Variants in ATP6V1D observed in about 807,000 individuals in gnomAD.
ATP6V1D encodes the protein V-type proton ATPase subunit D.
A neutral mutation model predicts 39.4 loss-of-function variants in ATP6V1D; 20 were observed. That is an observed-to-expected ratio of 0.51 (90% CI 0.36 to 0.74). The LOEUF is 0.74. Among genes scored for constraint, ATP6V1D ranks in the 30% least tolerant of loss-of-function variants. ATP6V1D has a pLI of 0.00. For synonymous variants in ATP6V1D, 100 were observed against 100.5 expected, an observed-to-expected ratio of 0.99 and a Z score of 0.03; for missense variants, 228 against 291.6, an observed-to-expected ratio of 0.78 and a Z score of 1.59.
chr14:67,343,291 C>A lies in ATP6V1D; in HGVS notation c.523+81G>T, dbSNP rs188128868. On this transcript the variant is annotated intron_variant, in intron 7 of 8. Coordinates refer to ENST00000216442, the MANE Select transcript of ATP6V1D (RefSeq NM_015994.4). ...CTTATTCATCTTTCAGTCTTCAGTA[C>A]AGTCCCTGAATTCTAGCAGTTTCAC... 50 of 1,078,470 alleles carry A rather than the reference C, an allele frequency of 4.6e-5. No homozygotes were observed. In the East Asian group the frequency reaches 1.2e-3, roughly 26 times the overall value. 66.8% of individuals were successfully genotyped at this position (1,078,470 alleles called of 1,614,324 possible). A position where few individuals can be genotyped will look rare whatever the true frequency, so the allele number is the denominator to read the frequency against.
chr14:67,358,420 C>T (rs1186264553), intron 1 of ATP6V1D, among the ~76,000 whole-genome samples: 1 of 152,148 alleles, frequency 6.6e-6, no homozygotes, highest in Non-Finnish European at 1.5e-5. Flanking sequence ...TTTTAAGCAT[C>T]CTCAGATTCT....
chr14:67,358,848 G>A (rs2085704987), intron 1 of ATP6V1D, among the ~76,000 whole-genome samples: 1 of 152,130 alleles, frequency 6.6e-6, no homozygotes, highest in Non-Finnish European at 1.5e-5. Context: ...AAGAATTCAG[G>A]CCCCAAAAGA....
intron 2 of ATP6V1D, among the ~76,000 whole-genome samples, chr14:67,352,492 A>G (rs1309398503): frequency 6.6e-6 from 1 of 152,164 alleles, no homozygotes; most frequent in Non-Finnish European, 1.5e-5. Flanking sequence ...ACATGCTACA[A>G]TAAAATTAAA....
rs569624772 is a variant in ATP6V1D, at chr14:67,341,402, C to T, written c.524-884G>A. On this transcript the variant is annotated intron_variant, in intron 7 of 8. Transcript: ENST00000216442. ...GTGAGGAGCCCCTCCGCCCGGCAGCCGCCCCGTCTGGGAAGTGAGGAGCGT... is the reference window on the plus strand; with the variant it reads ...GTGAGGAGCCCCTCCGCCCGGCAGCTGCCCCGTCTGGGAAGTGAGGAGCGT... Among the ~76,000 whole-genome samples the T allele has an allele frequency of 2.5e-3, 376 of 152,054 alleles. 1 individual carries two copies. Among genetic ancestry groups the T allele is most frequent in the Non-Finnish European group, 3.3e-3 (222 of 67,986 alleles).
intron 1 of ATP6V1D, among the ~76,000 whole-genome samples, chr14:67,355,102 G>A (rs1474933863): frequency 1.5e-4 from 23 of 152,040 alleles, no homozygotes; most frequent in African/African-American, 4.8e-5. Flanking sequence ...ATGAGCCACC[G>A]CACCTGGCCT....
intron 5 of ATP6V1D, 134 bp from the exon 6 acceptor site, chr14:67,346,005 T>C (rs2085617310): frequency 9.4e-6 from 6 of 639,514 alleles, no homozygotes; most frequent in Admixed American, 2.7e-5. Context: ...AATGTAAACA[T>C]GAAGTGCCTA....
intron 7 of ATP6V1D, among the ~76,000 whole-genome samples, chr14:67,341,885 C>T (rs1001655325): frequency 2.0e-5 from 3 of 151,940 alleles, no homozygotes; most frequent in African/African-American, 7.3e-5. Flanking sequence ...ATGACCTTAC[C>T]CCCAACCCTG....
intron 4 of ATP6V1D, among the ~76,000 whole-genome samples, chr14:67,347,706 G>C (rs1456604010): frequency 1.3e-5 from 2 of 151,902 alleles, no homozygotes; most frequent in African/African-American, 4.8e-5. Context: ...CTCCATGTTG[G>C]TAAGGTTGGT....
chr14:67,351,910 C>T (rs868771300), intron 2 of ATP6V1D, among the ~76,000 whole-genome samples: 1 of 111,998 alleles, frequency 8.9e-6, no homozygotes, highest in South Asian at 3.7e-4. Context: ...AGAACCTCTA[C>T]CAAAAAAAAA....
intron 1 of ATP6V1D, among the ~76,000 whole-genome samples, chr14:67,356,891 G>A (rs2085688760): frequency 6.6e-6 from 1 of 152,190 alleles, no homozygotes; most frequent in Admixed American, 6.5e-5. Flanking sequence ...TAGAACTTGG[G>A]CTCAAAGAGC....
Position 67,359,792 on chromosome 14 carries a change from G to A in ATP6V1D, c.-94C>T. 1 of 1,450,012 alleles carries A rather than the reference G, an allele frequency of 6.9e-7. No homozygotes were observed. The highest frequency in any genetic ancestry group is 2.3e-5 in the East Asian group (1 of 43,790). The allele number at this position is 1,450,012 out of a possible 1,614,324, so 89.8% of individuals were successfully genotyped here. On this transcript the variant is annotated 5_prime_UTR_variant, in exon 1 of 9. Coordinates refer to ENST00000216442, the MANE Select transcript of ATP6V1D (RefSeq NM_015994.4). ...CTCCACAGTGTCTTCCTCTACGGGA[G>A]TCAGCTGGTTGTGTCACTTGACCCC...
Position 67,347,659 on chromosome 14 carries a change from C to G in ATP6V1D, c.308-206G>C, listed in dbSNP as rs557551027. 3.3e-5 allele frequency among the ~76,000 whole-genome samples: 5 copies of G among 152,056 alleles called. No individual in the cohort carries two copies. The South Asian group carries it at 8.3e-4, about 25-fold the overall frequency. On this transcript the variant is annotated intron_variant, in intron 4 of 8. Coordinates refer to ENST00000216442, the MANE Select transcript of ATP6V1D (RefSeq NM_015994.4). ...GGGATTACAGGCATGCACCACCACA[C>G]CCGGCTAATTTTGTATTTTTAGTAG...
chr14:67,352,898 C>T (rs759232676), intron 2 of ATP6V1D, 25 bp downstream of exon 2: 5 of 1,496,554 alleles, frequency 3.3e-6, no homozygotes, highest in Non-Finnish European at 4.6e-6. Context: ...AAAATAAATA[C>T]TATTCTAAGA....
chr14:67,356,924 G>A (rs2085689169), intron 1 of ATP6V1D, among the ~76,000 whole-genome samples: 1 of 152,214 alleles, frequency 6.6e-6, no homozygotes, highest in South Asian at 2.1e-4. Context: ...AAGTCAAATT[G>A]TAGTACTGCA....
intron 8 of ATP6V1D, 154 bp downstream of exon 8, chr14:67,340,286 A>T: frequency 1.6e-6 from 1 of 640,744 alleles, no homozygotes; most frequent in South Asian, 2.6e-5. Flanking sequence ...TGTTTCCACA[A>T]CTTCTGGTAA....
rs1396104577 is a variant in ATP6V1D at position 67,359,789 on chromosome 14, G to A, written c.-91C>T. The A allele has an allele frequency of 1.4e-6, 2 of 1,454,088 alleles. No homozygotes were observed. The highest frequency in any genetic ancestry group is 9.6e-7 in the Non-Finnish European group (1 of 1,046,844). The allele number at this position is 1,454,088 out of a possible 1,614,324, so 90.1% of individuals were successfully genotyped here. ...GGCCTCCACAGTGTCTTCCTCTACG[G>A]GAGTCAGCTGGTTGTGTCACTTGAC... On this transcript the variant is annotated 5_prime_UTR_variant, in exon 1 of 9. Coordinates refer to ENST00000216442, the MANE Select transcript of ATP6V1D (RefSeq NM_015994.4).
intron 7 of ATP6V1D, among the ~76,000 whole-genome samples, chr14:67,341,501 G>A (rs1042123097): frequency 2.6e-5 from 4 of 151,780 alleles, no homozygotes; most frequent in East Asian, 2.0e-4. Context: ...CGCCCCGTCC[G>A]GGAGGGAGGT....
intron 3 of ATP6V1D, 28 bp downstream of exon 3, chr14:67,350,568 ATCACTTTGTTTTGCT>A: frequency 6.6e-7 from 1 of 1,521,806 alleles, no homozygotes; most frequent in Non-Finnish European, 9.0e-7. Flanking sequence ...TGAGACTGAA[ATCACTTTGTTTTGCT>A]TCAAAACACC....
chr14:67,345,018 G>A (rs2085610674), intron 6 of ATP6V1D, among the ~76,000 whole-genome samples: 1 of 152,158 alleles, frequency 6.6e-6, no homozygotes, highest in Non-Finnish European at 1.5e-5. Context: ...GAGGCGGGCT[G>A]ATTACTTGAG....
Sources: gnomAD v4.1 joint callset for allele counts (sites outside exome capture counted in the v4.1 genomes callset) on GRCh38, gnomAD v4.1.1 for gene constraint, MANE v1.5 for transcripts, NCBI Gene and HGNC (gene_info 2026-07-23, HGNC 2026-07-21) for gene names.